Variants in FUT8 observed in about 807,000 individuals in gnomAD.
FUT8 encodes the protein fucosyltransferase 8, also known as alpha-(1,6)-fucosyltransferase.
In FUT8, 29 loss-of-function variants were observed where a neutral mutation model predicts 71.3. The observed-to-expected ratio is 0.41, with a 90% CI of 0.30 to 0.55. The LOEUF is 0.55. Among genes scored for constraint, FUT8 ranks in the 20% least tolerant of loss-of-function variants. FUT8 has a pLI of 0.34. For missense variants in FUT8, 544 were observed against 702.1 expected (o/e 0.77, Z 2.55); for synonymous variants, 254 against 239.3 (o/e 1.06, Z -0.57).
the FUT8 span, among the ~76,000 whole-genome samples, chr14:65,393,597 C>T: frequency 5.9e-5 from 9 of 152,184 alleles, no homozygotes; most frequent in South Asian, 6.2e-4. Flanking sequence ...CATGAAGCCA[C>T]GGAGCCTTTC....
the FUT8 span, among the ~76,000 whole-genome samples, chr14:65,378,307 C>G: frequency 6.6e-6 from 1 of 152,030 alleles, no homozygotes; most frequent in African/African-American, 2.4e-5. Context: ...TTCTTTAACC[C>G]GAGGCACCAG....
chr14:65,470,026 C>T (rs1036109998), intron 2 of FUT8, among the ~76,000 whole-genome samples: 8 of 152,246 alleles, frequency 5.3e-5, no homozygotes, highest in African/African-American at 1.9e-4. Context: ...CTGCTTCCTG[C>T]CACTTTCCAT....
At position 65,602,836 on chromosome 14, in the gene FUT8, A is replaced by G. The variant is rs576420335; in HGVS notation, c.204-13142A>G. 8.0e-4 allele frequency among the ~76,000 whole-genome samples: 121 copies of G among 151,928 alleles called. 2 individuals carry two copies. The South Asian group carries it at 0.016, about 20-fold the overall frequency. On this transcript the variant is annotated intron_variant, in intron 3 of 10. Coordinates refer to ENST00000673929, the MANE Select transcript of FUT8 (RefSeq NM_001371533.1). ...TGTATCTTCTTTTGAGAATTGTCTT[A>G]TTCATGTCCTTAGCCCACTTTTTGA... is the stretch of plus-strand genomic sequence containing the variant.
intron 2 of FUT8, among the ~76,000 whole-genome samples, chr14:65,474,614 A>T (rs2066206761): frequency 1.3e-5 from 2 of 152,046 alleles, no homozygotes; most frequent in South Asian, 4.2e-4. Flanking sequence ...ATAAAAAATT[A>T]AAAAAGATCT....
At chr14:65,503,475 C>T (rs1594708506) in intron 2 of FUT8, among the ~76,000 whole-genome samples, 2 of 152,214 alleles carry the variant, frequency 1.3e-5, no homozygotes, top group East Asian at 3.8e-4. Flanking sequence ...CATTAAAACA[C>T]AGCATCTTGC....
chr14:65,671,820 C>T (rs1455957986), intron 7 of FUT8, among the ~76,000 whole-genome samples: 1 of 152,072 alleles, frequency 6.6e-6, no homozygotes, highest in East Asian at 1.9e-4. Context: ...AACTATTGAA[C>T]ATATTTCCAA....
chr14:65,499,192 G>GACACAC (rs1020439431), intron 2 of FUT8, among the ~76,000 whole-genome samples: 1 of 151,868 alleles, frequency 6.6e-6, no homozygotes, highest in African/African-American at 2.4e-5. Context: ...TGGGACTACA[G>GACACAC]ACACACACAC....
intron 2 of FUT8, among the ~76,000 whole-genome samples, chr14:65,497,452 G>A (rs187965745): frequency 5.3e-5 from 8 of 152,182 alleles, no homozygotes; most frequent in Middle Eastern, 3.4e-3. Flanking sequence ...AGTTTTATAA[G>A]CTTAATCATA....
chr14:65,564,668 T>C (rs1413045901), intron 3 of FUT8, among the ~76,000 whole-genome samples: 1 of 152,026 alleles, frequency 6.6e-6, no homozygotes, highest in Non-Finnish European at 1.5e-5. Flanking sequence ...TTGTTCCCTC[T>C]TATGGTCAAA....
At chr14:65,523,518 G>T (rs1252661955) in intron 2 of FUT8, among the ~76,000 whole-genome samples, 1 of 152,124 alleles carries the variant, frequency 6.6e-6, no homozygotes, top group Non-Finnish European at 1.5e-5. Flanking sequence ...CTCCCATTCT[G>T]TAGGTTGCCT....
At chr14:65,449,316 C>T (rs1388008928) in intron 1 of FUT8, among the ~76,000 whole-genome samples, 2 of 152,136 alleles carry the variant, frequency 1.3e-5, no homozygotes, top group Non-Finnish European at 2.9e-5. Context: ...ATGATGAATT[C>T]GTTTTTGTTG....
chr14:65,585,367 T>C (rs1170967316), intron 3 of FUT8, among the ~76,000 whole-genome samples: 1 of 152,050 alleles, frequency 6.6e-6, no homozygotes, highest in Non-Finnish European at 1.5e-5. Context: ...TTAAATTTTT[T>C]GTACAGGCAG....
chr14:65,691,459 T>C (rs1225183349), intron 7 of FUT8, among the ~76,000 whole-genome samples: 2 of 145,182 alleles, frequency 1.4e-5, no homozygotes, highest in African/African-American at 2.9e-5. Context: ...GTGGACTACT[T>C]TTCTTGCATC....
intron 3 of FUT8, among the ~76,000 whole-genome samples, chr14:65,578,936 G>A (rs74839149): frequency 1.3e-5 from 2 of 152,120 alleles, no homozygotes; most frequent in Non-Finnish European, 2.9e-5. Context: ...GTTGCTTGGC[G>A]GGGGTATTTT....
At chr14:65,582,504 C>A (rs1887146536) in intron 3 of FUT8, among the ~76,000 whole-genome samples, 1 of 152,124 alleles carries the variant, frequency 6.6e-6, no homozygotes, top group African/African-American at 2.4e-5. Flanking sequence ...TCAGCCCCAT[C>A]CCCAGCTGTC....
chr14:65,728,637 C>A (rs1210043932), intron 9 of FUT8, among the ~76,000 whole-genome samples: 2 of 152,110 alleles, frequency 1.3e-5, no homozygotes, highest in African/African-American at 2.4e-5. Flanking sequence ...TGATGGTAGT[C>A]CCATAGATTA....
the FUT8 span, among the ~76,000 whole-genome samples, chr14:65,357,837 T>C: frequency 8.5e-5 from 13 of 152,178 alleles, no homozygotes; most frequent in African/African-American, 2.7e-4. Context: ...CCTGAACTGG[T>C]GGTAATGGTG....
chr14:65,587,552 C>T (rs942659059), intron 3 of FUT8, among the ~76,000 whole-genome samples: 5 of 152,108 alleles, frequency 3.3e-5, no homozygotes, highest in African/African-American at 7.2e-5. Flanking sequence ...CCAAGACAAA[C>T]GTCTGTATAG....
At position 65,709,980 on chromosome 14, in the gene FUT8, A is replaced by G. The variant is rs115821960; in HGVS notation, c.836-11795A>G. Among the ~76,000 whole-genome samples the G allele has an allele frequency of 4.9e-3, 753 of 152,288 alleles. 8 individuals carry two copies. Among genetic ancestry groups the G allele is most frequent in the African/African-American group, 0.017 (715 of 41,560 alleles). On this transcript the variant is annotated intron_variant, in intron 7 of 10. Coordinates refer to ENST00000673929, the MANE Select transcript of FUT8 (RefSeq NM_001371533.1). ...TTCATCGACATTGGTTATCAAGCTG[A>G]TATTTTGATTGTCATTTTATTTCTC...
Sources: allele counts gnomAD v4.1 joint callset (sites outside exome capture counted in the v4.1 genomes callset), GRCh38; gene constraint gnomAD v4.1.1; transcripts MANE v1.5; gene names NCBI Gene and HGNC (gene_info 2026-07-23, HGNC 2026-07-21).